Variants in CADPS observed in about 807,000 individuals in gnomAD.
CADPS encodes calcium dependent secretion activator.
A neutral mutation model predicts 167.3 loss-of-function variants in CADPS; 57 were observed. The observed-to-expected ratio is 0.34, with a 90% CI of 0.28 to 0.42. The LOEUF (loss-of-function observed/expected upper bound fraction) is 0.42. Ranked by LOEUF, CADPS falls within the 20% of genes least tolerant of loss-of-function variation. The pLI is 1.00. For missense variants in CADPS, 1,414 were observed against 1,738.1 expected (o/e 0.81, Z 3.32); for synonymous variants, 676 against 635.3 (o/e 1.06, Z -0.96).
chr3:62,555,663 T>C (rs1196001441), intron 10 of CADPS, among the ~76,000 whole-genome samples: 1 of 152,254 alleles, frequency 6.6e-6, no homozygotes, highest in African/African-American at 2.4e-5. Flanking sequence ...AAAGCAATTA[T>C]TGTCATAAGG....
chr3:62,674,094 CT>C (rs2075981439), intron 3 of CADPS, among the ~76,000 whole-genome samples: 2 of 152,134 alleles, frequency 1.3e-5, no homozygotes, highest in African/African-American at 4.8e-5. Context: ...AGTTTTCCAG[CT>C]TCTGCAATTG....
intron 26 of CADPS, among the ~76,000 whole-genome samples, chr3:62,462,135 G>A (rs1359329146): frequency 6.6e-6 from 1 of 152,188 alleles, no homozygotes; most frequent in African/African-American, 2.4e-5. Flanking sequence ...GGCATCCCAC[G>A]CAAAAGCACA....
At chr3:62,797,307 T>G (rs1157864590) in intron 1 of CADPS, among the ~76,000 whole-genome samples, 1 of 152,122 alleles carries the variant, frequency 6.6e-6, no homozygotes, top group Non-Finnish European at 1.5e-5. Flanking sequence ...GGTGTTTGGT[T>G]TCCTCATGGG....
intron 3 of CADPS, among the ~76,000 whole-genome samples, chr3:62,712,589 C>A (rs9844131): frequency 1.3e-5 from 2 of 152,070 alleles, no homozygotes; most frequent in Non-Finnish European, 2.9e-5. Flanking sequence ...CTCTTAATGT[C>A]GTTTCTCCAG....
intron 1 of CADPS, among the ~76,000 whole-genome samples, chr3:62,794,793 A>AGAAAAAG (rs1553689816): frequency 1.5e-5 from 2 of 136,692 alleles, no homozygotes; most frequent in Non-Finnish European, 3.0e-5. Context: ...AAAAAAAAAA[A>AGAAAAAG]AAAAAAAAAA....
At chr3:62,418,473 C>A (rs1318013356) in intron 28 of CADPS, among the ~76,000 whole-genome samples, 1 of 146,326 alleles carries the variant, frequency 6.8e-6, no homozygotes, top group East Asian at 2.0e-4. Context: ...TACAGGTATG[C>A]AACACCATGC....
intron 3 of CADPS, among the ~76,000 whole-genome samples, chr3:62,669,295 C>T (rs994978386): frequency 1.3e-5 from 2 of 152,194 alleles, no homozygotes; most frequent in Non-Finnish European, 2.9e-5. Context: ...GCAGGGCCCT[C>T]CTTTCCTCCA....
intron 3 of CADPS, among the ~76,000 whole-genome samples, chr3:62,741,865 C>A (rs1369260336): frequency 6.6e-6 from 1 of 152,166 alleles, no homozygotes; most frequent in Non-Finnish European, 1.5e-5. Context: ...GATCCTATAT[C>A]TATAAATCCC....
chr3:62,813,880 C>T (rs540875554), intron 1 of CADPS, among the ~76,000 whole-genome samples: 1 of 152,076 alleles, frequency 6.6e-6, no homozygotes, highest in Admixed American at 6.6e-5. Context: ...CCAAATCTCA[C>T]ATGTTTGCCT....
intron 8 of CADPS, among the ~76,000 whole-genome samples, chr3:62,578,691 A>G (rs186882921): frequency 3.7e-4 from 57 of 152,256 alleles, no homozygotes; most frequent in African/African-American, 1.2e-3. Flanking sequence ...ATATGAAGCA[A>G]AACCAGACAG....
intron 17 of CADPS, among the ~76,000 whole-genome samples, chr3:62,506,700 G>A (rs1228600961): frequency 1.3e-5 from 2 of 152,180 alleles, no homozygotes; most frequent in Non-Finnish European, 2.9e-5. Context: ...TTCAGGGGAA[G>A]CCACATGAGC....
At chr3:62,775,157 C>T (rs948030478) in intron 1 of CADPS, among the ~76,000 whole-genome samples, 14 of 151,948 alleles carry the variant, frequency 9.2e-5, no homozygotes, top group African/African-American at 3.4e-4. Context: ...CATACTTTAG[C>T]CTCCCAAGTA....
chr3:62,605,813 A>G (rs1001962443), intron 6 of CADPS, among the ~76,000 whole-genome samples: 16 of 152,378 alleles, frequency 1.1e-4, no homozygotes, highest in African/African-American at 3.6e-4. Context: ...GTGACATCTC[A>G]AAGATGCACA....
chr3:62,428,438 T>C (rs373660733), intron 28 of CADPS, among the ~76,000 whole-genome samples: 10 of 151,714 alleles, frequency 6.6e-5, no homozygotes, highest in African/African-American at 1.7e-4. Flanking sequence ...CAGTTCCTTC[T>C]TTTGGCTCTA....
chr3:62,531,570 G>A (rs186366214), intron 13 of CADPS, among the ~76,000 whole-genome samples: 4 of 152,314 alleles, frequency 2.6e-5, no homozygotes, highest in African/African-American at 9.6e-5. Context: ...AGCTTGCAAA[G>A]ATGAAGACGA....
chr3:62,445,208 C>T (rs1374103441), intron 27 of CADPS, among the ~76,000 whole-genome samples: 1 of 152,122 alleles, frequency 6.6e-6, no homozygotes, highest in East Asian at 1.9e-4. Context: ...ATTAATGAGG[C>T]CTGCACTAAA....
At chr3:62,536,878 C>T (rs1284418341) in intron 11 of CADPS, among the ~76,000 whole-genome samples, 1 of 152,118 alleles carries the variant, frequency 6.6e-6, no homozygotes, top group East Asian at 1.9e-4. Flanking sequence ...CGTAACTTCG[C>T]CTGCATTTCA....
At chr3:62,858,999 G>C (rs1444445523) in intron 1 of CADPS, among the ~76,000 whole-genome samples, 1 of 152,152 alleles carries the variant, frequency 6.6e-6, no homozygotes, top group Non-Finnish European at 1.5e-5. Flanking sequence ...GTAGTAGATT[G>C]TGCTGGAAAC....
At chr3:62,687,304 C>G (rs1393714815) in intron 3 of CADPS, among the ~76,000 whole-genome samples, 2 of 152,040 alleles carry the variant, frequency 1.3e-5, no homozygotes, top group East Asian at 1.9e-4. Context: ...AACATCAGAT[C>G]ATAGGTTTGT....
Sources: gnomAD v4.1 joint callset for allele counts (sites outside exome capture counted in the v4.1 genomes callset) on GRCh38, gnomAD v4.1.1 for gene constraint, MANE v1.5 for transcripts, NCBI Gene and HGNC (gene_info 2026-07-23, HGNC 2026-07-21) for gene names.